The following SEC23B variants were observed in gnomAD, a reference collection of about 807,000 sequenced individuals.
The protein encoded by SEC23B is protein transport protein Sec23B.
SEC23B carries 77 observed loss-of-function variants against 104.3 expected under a neutral mutation model. The observed-to-expected ratio is 0.74, with a 90% CI of 0.61 to 0.89. SEC23B has a LOEUF of 0.89. Among genes scored for constraint, SEC23B ranks in the 40% least tolerant of loss-of-function variants. SEC23B has a pLI of 0.00. For synonymous variants in SEC23B, 338 were observed against 332.5 expected (o/e 1.02, Z -0.18); for missense variants, 885 against 949.4 (o/e 0.93, Z 0.89).
intron 6 of SEC23B, 108 bp downstream of exon 6, chr20:18,525,128 A>G: frequency 9.4e-7 from 1 of 1,060,458 alleles, no homozygotes; most frequent in Non-Finnish European, 1.4e-6. Flanking sequence ...TTATTAGAGA[A>G]AAAGATAAAT....
At chr20:18,540,907 A>G (rs558563518) in intron 12 of SEC23B, among the ~76,000 whole-genome samples, 3 of 152,354 alleles carry the variant, frequency 2.0e-5, no homozygotes, top group African/African-American at 7.2e-5. Context: ...AAGAGAGTCA[A>G]CCTGCCCTTT....
Position 18,510,928 on chromosome 20 carries a change from T to C in SEC23B, c.93T>C (p.Ala31=). The change falls in exon 2 of 20, where the codon GCT becomes GCC. Residue 31 remains alanine, a synonymous_variant. Transcript: ENST00000650089. ...TGTGGCCTTCCAGCCGGCTGGAGGC[T>C]ACAAGAATGGTTGTACCCCTGGCTT... ...WNVWPSSRLE[A]TRMVVPLACL... 1 of 1,614,120 alleles carries C rather than the reference T, an allele frequency of 6.2e-7. No individual in the cohort carries two copies. Among genetic ancestry groups the C allele is most frequent in the Non-Finnish European group, 8.5e-7 (1 of 1,179,966 alleles).
At chr20:18,558,717 T>C (rs985993567) in intron 19 of SEC23B, among the ~76,000 whole-genome samples, 3 of 152,232 alleles carry the variant, frequency 2.0e-5, no homozygotes, top group African/African-American at 7.2e-5. Flanking sequence ...TATTTTTCAG[T>C]TACAAAATTT....
Position 18,560,324 on chromosome 20 carries a change from A to C in SEC23B, c.2215-327A>C, listed in dbSNP as rs79046695. 5.0e-4 allele frequency among the ~76,000 whole-genome samples: 76 copies of C among 152,332 alleles called. 1 individual carries two copies. The East Asian group carries it at 0.012, about 25-fold the overall frequency. On this transcript the variant is annotated intron_variant, in intron 19 of 19. Coordinates refer to ENST00000650089, the MANE Select transcript of SEC23B (RefSeq NM_006363.6). ...AGAGCACTTAAGAGGAAAGGCAGGC[A>C]TATGGGCCTCCGTGAGCTCACAGTG...
In SEC23B at chr20:18,518,582, G is replaced by GTTTTTTTTTTTTTTTT. The variant is rs57231166; in HGVS notation, c.366+2854_366+2869dup. On this transcript the variant is annotated intron_variant, in intron 4 of 19. Coordinates refer to ENST00000650089, the MANE Select transcript of SEC23B (RefSeq NM_006363.6). ...AATGGGCCTGTGAGGCTGGAAGGAG[G>GTTTTTTTTTTTTTTTT]TTTTTTTTTTTTTTTTTTTTTTTGT... is the stretch of plus-strand genomic sequence containing the variant. 9.1e-4 allele frequency among the ~76,000 whole-genome samples: 84 copies of GTTTTTTTTTTTTTTTT among 92,660 alleles called. 6 individuals carry two copies. The highest frequency in any genetic ancestry group is 1.4e-3 in the Non-Finnish European group (69 of 50,910). The allele number at this position is 92,660 out of a possible 152,430, so 60.8% of individuals were successfully genotyped here.
At chr20:18,531,488 C>T (rs1319792158) in intron 10 of SEC23B, among the ~76,000 whole-genome samples, 1 of 151,500 alleles carries the variant, frequency 6.6e-6, no homozygotes. Context: ...GAAACCCCAT[C>T]TCTCCTAAAA....
intron 4 of SEC23B, among the ~76,000 whole-genome samples, chr20:18,518,590 T>TTTTTTG (rs1330771204): frequency 1.5e-5 from 2 of 135,816 alleles, no homozygotes; most frequent in East Asian, 2.0e-4. Context: ...AGGTTTTTTT[T>TTTTTTG]TTTTTTTTTT....
intron 16 of SEC23B, among the ~76,000 whole-genome samples, 168 bp downstream of exon 16, chr20:18,548,938 C>T (rs1435208986): frequency 6.6e-6 from 1 of 151,990 alleles, no homozygotes; most frequent in East Asian, 1.9e-4. Flanking sequence ...TGTCAAAGGA[C>T]ATATAAAGCT....
chr20:18,534,059 T>A (rs1200609363), intron 11 of SEC23B, among the ~76,000 whole-genome samples: 1 of 152,232 alleles, frequency 6.6e-6, no homozygotes, highest in Non-Finnish European at 1.5e-5. Context: ...TACCATTTAG[T>A]CATTGATTGT....
chr20:18,537,679 A>G (rs372367730), intron 12 of SEC23B, among the ~76,000 whole-genome samples: 1 of 152,172 alleles, frequency 6.6e-6, no homozygotes, highest in Non-Finnish European at 1.5e-5. Context: ...TGGCACATGT[A>G]TACATATGTA....
intron 8 of SEC23B, 112 bp from the exon 9 acceptor site, chr20:18,527,384 A>T: frequency 1.3e-6 from 1 of 781,518 alleles, no homozygotes; most frequent in Non-Finnish European, 2.3e-6. Flanking sequence ...TCACAAAAAG[A>T]GAAAAGAAAA....
At chr20:18,539,661 TTG>T (rs1452131901) in intron 12 of SEC23B, among the ~76,000 whole-genome samples, 2 of 146,282 alleles carry the variant, frequency 1.4e-5, no homozygotes, top group African/African-American at 5.1e-5. Context: ...TTTTTTTTTT[TTG>T]AGATGGAGTC....
chr20:18,524,489 A>G lies in SEC23B; in HGVS notation c.423A>G (p.Glu141=), dbSNP rs1039182222. The G allele has an allele frequency of 6.2e-7, 1 of 1,614,202 alleles. No individual in the cohort carries two copies. The highest frequency in any genetic ancestry group is 8.5e-7 in the Non-Finnish European group (1 of 1,180,018). The change falls in exon 5 of 20, where the codon GAA becomes GAG. Residue 141 remains glutamate, a synonymous_variant. Coordinates refer to ENST00000650089, the MANE Select transcript of SEC23B (RefSeq NM_006363.6). ...ATGTGGTTGACACATGCCTGGAGGA[A>G]GATGACCTTCAAGCACTCAAAGAGT... ...FLYVVDTCLE[E]DDLQALKESL...
intron 6 of SEC23B, 25 bp downstream of exon 6, chr20:18,525,045 C>A: frequency 6.3e-7 from 1 of 1,597,940 alleles, no homozygotes; most frequent in South Asian, 1.1e-5. Flanking sequence ...TGGAGTGTTA[C>A]ACGTATTGTG....
In SEC23B at chr20:18,524,487, G is replaced by A. The variant is rs753928958; in HGVS notation, c.421G>A (p.Glu141Lys). 1.2e-6 allele frequency: 2 copies of A among 1,614,210 alleles called. No homozygotes were observed. The highest frequency in any genetic ancestry group is 2.2e-5 in the East Asian group (1 of 44,886). The part of the protein sequence containing the change: ...FLYVVDTCLE[E>K]DDLQALKESL... ...CTATGTGGTTGACACATGCCTGGAG[G>A]AAGATGACCTTCAAGCACTCAAAGA... Residue 141 changes from glutamate (E) to lysine (K), a missense_variant, in exon 5 of 20, where the codon GAA becomes AAA. Glu to Lys is a moderately conservative substitution (Grantham distance 56). Coordinates refer to ENST00000650089, the MANE Select transcript of SEC23B (RefSeq NM_006363.6).
chr20:18,549,062 A>T (rs1455407612), intron 16 of SEC23B, among the ~76,000 whole-genome samples: 1 of 152,176 alleles, frequency 6.6e-6, no homozygotes, highest in African/African-American at 2.4e-5. Context: ...TTGTATCTGA[A>T]GGAAAGACTC....
rs112665802 is a variant in SEC23B, at chr20:18,515,450, A to G, written c.280-200A>G. Among the ~76,000 whole-genome samples, 3,912 of 152,234 alleles carry G rather than the reference A, an allele frequency of 0.026. 172 individuals carry two copies. The highest frequency in any genetic ancestry group is 0.09 in the African/African-American group (3,730 of 41,508). ...CTCAGCCTTCTGAGTAGCTGGGACT[A>G]CAGGTGTGAGCCACCACGCCCAACT... On this transcript the variant is annotated intron_variant, in intron 3 of 19. Coordinates refer to ENST00000650089, the MANE Select transcript of SEC23B (RefSeq NM_006363.6).
At chr20:18,512,724 G>T (rs1289252970) in intron 3 of SEC23B, among the ~76,000 whole-genome samples, 1 of 152,100 alleles carries the variant, frequency 6.6e-6, no homozygotes, top group Non-Finnish European at 1.5e-5. Context: ...AAACTAGAAG[G>T]AGCTCACAAA....
At chr20:18,539,433 C>G (rs2060267449) in intron 12 of SEC23B, among the ~76,000 whole-genome samples, 1 of 149,578 alleles carries the variant, frequency 6.7e-6, no homozygotes, top group Non-Finnish European at 1.5e-5. Flanking sequence ...TGGCATGAAC[C>G]CAGGAGGCGG....
Sources: allele counts gnomAD v4.1 joint callset (sites outside exome capture counted in the v4.1 genomes callset), GRCh38; gene constraint gnomAD v4.1.1; transcripts MANE v1.5; gene names NCBI Gene and HGNC (gene_info 2026-07-23, HGNC 2026-07-21).